Variants in LCP2 observed in about 807,000 individuals in gnomAD.
The protein encoded by LCP2 is 76 kDa tyrosine phosphoprotein.
In LCP2, 29 loss-of-function variants were observed where a neutral mutation model predicts 74.5. That is an observed-to-expected ratio of 0.39 (90% CI 0.29 to 0.53). LCP2 has a LOEUF of 0.53. LCP2 is among the 20% of genes least tolerant of loss of function. The pLI, the probability that LCP2 is intolerant of heterozygous loss-of-function variation, is 0.72. For synonymous variants in LCP2, 228 were observed against 229.5 expected (o/e 0.99, Z 0.06); for missense variants, 604 against 634.6 (o/e 0.95, Z 0.52).
chr5:170,296,741 A>T (rs1762392821), intron 1 of LCP2, among the ~76,000 whole-genome samples: 1 of 152,078 alleles, frequency 6.6e-6, no homozygotes, highest in Non-Finnish European at 1.5e-5. Flanking sequence ...GGATCCTTCA[A>T]CCTTTCCTCT....
intron 2 of LCP2, among the ~76,000 whole-genome samples, chr5:170,292,374 A>G (rs1762308217): frequency 6.6e-6 from 1 of 152,150 alleles, no homozygotes; most frequent in South Asian, 2.1e-4. Flanking sequence ...TGAGCTCACC[A>G]TCACTGAAGG....
chr5:170,287,967 T>TA lies in LCP2; in HGVS notation c.188+2dup. 1 of 1,613,780 alleles carries TA rather than the reference T, an allele frequency of 6.2e-7. No individual in the cohort carries two copies. Among genetic ancestry groups the TA allele is most frequent in the Non-Finnish European group, 8.5e-7 (1 of 1,179,700 alleles). On this transcript the variant is annotated splice_region_variant and intron_variant, in intron 3 of 20. Transcript: ENST00000046794. ...TCACCCATAGAGTTGGAGGAGTACT[T>TA]ACGGCACCCGGAGCTTGGGGAACTT... is the stretch of plus-strand genomic sequence containing the variant.
chr5:170,253,855 C>T (rs962666214), intron 17 of LCP2, among the ~76,000 whole-genome samples: 1 of 152,170 alleles, frequency 6.6e-6, no homozygotes, highest in African/African-American at 2.4e-5. Flanking sequence ...GCTTGTGCCT[C>T]ATCTTCTCTA....
chr5:170,287,948 A>G (rs1762212268), intron 3 of LCP2, 22 bp downstream of exon 3: 1 of 1,608,984 alleles, frequency 6.2e-7, no homozygotes. Flanking sequence ...CAGATCACCC[A>G]TAGAGTTGGA....
chr5:170,259,686 T>G (rs968567985), intron 14 of LCP2, among the ~76,000 whole-genome samples: 8 of 152,224 alleles, frequency 5.3e-5, no homozygotes, highest in Non-Finnish European at 1.2e-4. Context: ...TTAAGTGCTC[T>G]TTAATAAAAG....
chr5:170,297,360 T>C (rs1762407994), intron 1 of LCP2, among the ~76,000 whole-genome samples, 174 bp downstream of exon 1: 1 of 152,198 alleles, frequency 6.6e-6, no homozygotes, highest in Non-Finnish European at 1.5e-5. Context: ...CCGGAACTCA[T>C]GGTCAGGAAA....
In LCP2 at chr5:170,256,451, CT is replaced by C. The variant is rs567652553; in HGVS notation, c.1150+74del. 8 of 1,186,998 alleles carry C rather than the reference CT, an allele frequency of 6.7e-6. No individual in the cohort carries two copies. Among genetic ancestry groups the C allele is most frequent in the South Asian group, 3.7e-5 (3 of 81,676 alleles). 73.5% of individuals were successfully genotyped at this position (1,186,998 alleles called of 1,614,324 possible). On this transcript the variant is annotated intron_variant, in intron 17 of 20. Transcript: ENST00000046794. This position sits in a 1 kb window ranked among gnomAD's most constrained non-coding sequence, Gnocchi z 4.5. ...GAAACAATAAAACCTTTGTCGAAAG[CT>C]TTTGGGACAGGTTAGGGATCCAGTC...
At chr5:170,264,828 T>A in intron 10 of LCP2, among the ~76,000 whole-genome samples, 1 of 130,490 alleles carries the variant, frequency 7.7e-6, no homozygotes, top group South Asian at 2.5e-4. Context: ...AAAATAAAAA[T>A]AAAAAGGAGC....
chr5:170,295,597 C>T (rs569530566), intron 1 of LCP2, among the ~76,000 whole-genome samples: 2 of 152,314 alleles, frequency 1.3e-5, no homozygotes, highest in East Asian at 3.9e-4. Context: ...GGAGGCCTGA[C>T]CCCACTACTT....
chr5:170,275,095 G>A (rs1023335436), intron 5 of LCP2, among the ~76,000 whole-genome samples: 1 of 152,096 alleles, frequency 6.6e-6, no homozygotes, highest in Non-Finnish European at 1.5e-5. Flanking sequence ...GTGTGTCTCT[G>A]AAGATGGTCC....
chr5:170,248,914 T>A, intron 20 of LCP2, 95 bp from the exon 21 acceptor site: 3 of 1,214,182 alleles, frequency 2.5e-6, no homozygotes, highest in Non-Finnish European at 3.6e-6. Flanking sequence ...ATGCTGCCTC[T>A]TCAAGTGATG....
intron 13 of LCP2, among the ~76,000 whole-genome samples, chr5:170,262,312 C>T (rs1761668342): frequency 1.3e-5 from 2 of 152,124 alleles, no homozygotes; most frequent in South Asian, 4.1e-4. Context: ...GAGTACAGTT[C>T]CTATGCACTG....
chr5:170,277,503 T>C (rs1762026763), intron 3 of LCP2, among the ~76,000 whole-genome samples: 1 of 151,924 alleles, frequency 6.6e-6, no homozygotes, highest in East Asian at 1.9e-4. Context: ...ATCCTAGCAC[T>C]TTGGGAGGCT....
intron 10 of LCP2, among the ~76,000 whole-genome samples, chr5:170,264,978 C>CTTTTTTTTTTTTTTTTT (rs58508083): frequency 9.2e-6 from 1 of 108,994 alleles, no homozygotes; most frequent in African/African-American, 4.1e-5. Context: ...CAAAATTTGC[C>CTTTTTTTTTTTTTTTTT]TTTTTTTTTT....
In LCP2 at chr5:170,258,103, C is replaced by T. The variant is rs186940101; in HGVS notation, c.1034G>A (p.Arg345Lys). Residue 345 changes from arginine to lysine, a missense_variant, in exon 16 of 21, where the codon AGA becomes AAA. By Grantham distance (26) the Arg-to-Lys change is conservative. Transcript: ENST00000046794. ...LPMSSNTFPSRSTKPSPMNPL... is the reference protein window; with the variant it reads ...LPMSSNTFPSKSTKPSPMNPL... ...GTTCATGGGACTTGGCTTAGTAGAT[C>T]TTGAAGGGAAAGTGTTGGAGCTCAT... 2 of 1,613,864 alleles carry T rather than the reference C, an allele frequency of 1.2e-6. No homozygotes were observed. Among genetic ancestry groups the T allele is most frequent in the Non-Finnish European group, 1.7e-6 (2 of 1,179,784 alleles).
chr5:170,292,469 C>A (rs774968312), intron 2 of LCP2, among the ~76,000 whole-genome samples: 53 of 152,178 alleles, frequency 3.5e-4, no homozygotes, highest in Non-Finnish European at 2.8e-4. Context: ...TGTGATCTCT[C>A]TGGTCTCATC....
rs775026356 is a variant in LCP2, at chr5:170,253,247, C to T, written c.1151-34G>A. 1.3e-5 allele frequency: 19 copies of T among 1,422,312 alleles called. No individual in the cohort carries two copies. The African/African-American group carries it at 1.4e-4, about 11-fold the overall frequency. 88.1% of individuals were successfully genotyped at this position (1,422,312 alleles called of 1,614,324 possible). A position where few individuals can be genotyped will look rare whatever the true frequency, so the allele number is the denominator to read the frequency against. ...GTATAGAATTCTGACAGTTAATTTA[C>T]TGTAAGCTATTGTTTGCTGCTATCA... On this transcript the variant is annotated intron_variant, in intron 17 of 20. Coordinates refer to ENST00000046794, the MANE Select transcript of LCP2 (RefSeq NM_005565.5).
chr5:170,263,164 T>C (rs1761693639), intron 10 of LCP2, among the ~76,000 whole-genome samples, 172 bp from the exon 11 acceptor site: 1 of 152,210 alleles, frequency 6.6e-6, no homozygotes, highest in South Asian at 2.1e-4. Flanking sequence ...GACCACCAAA[T>C]TTTATAAGCT....
chr5:170,287,927 A>T (rs752477682), intron 3 of LCP2, 43 bp downstream of exon 3: 2 of 1,586,966 alleles, frequency 1.3e-6, no homozygotes, highest in South Asian at 2.2e-5. Context: ...CCCCATTCCC[A>T]CCTCTGCTCC....
Sources: allele counts gnomAD v4.1 joint callset (sites outside exome capture counted in the v4.1 genomes callset), GRCh38; gene constraint gnomAD v4.1.1; non-coding constraint Gnocchi (gnomAD v3.1); transcripts MANE v1.5; gene names NCBI Gene and HGNC (gene_info 2026-07-23, HGNC 2026-07-21).